Variants in MACROD2 observed in about 807,000 individuals in gnomAD.
The protein encoded by MACROD2 is mono-ADP ribosylhydrolase 2, also known as ADP-ribose glycohydrolase MACROD2.
A neutral mutation model predicts 70.4 loss-of-function variants in MACROD2; 36 were observed. That is an observed-to-expected ratio of 0.51 (90% CI 0.39 to 0.68). The LOEUF (loss-of-function observed/expected upper bound fraction) is 0.68, where lower values mean the gene tolerates loss of function less well. Ranked by LOEUF, MACROD2 falls within the 30% of genes least tolerant of loss-of-function variation. The pLI, the probability that MACROD2 is intolerant of heterozygous loss-of-function variation, is 0.00. For synonymous variants in MACROD2, 172 were observed against 178.8 expected, an observed-to-expected ratio of 0.96 and a Z score of 0.30; for missense variants, 496 against 538.4, an observed-to-expected ratio of 0.92 and a Z score of 0.78.
At chr20:14,783,120 T>C (rs951995256) in intron 5 of MACROD2, among the ~76,000 whole-genome samples, 4 of 152,164 alleles carry the variant, frequency 2.6e-5, no homozygotes, top group Admixed American at 1.3e-4. Context: ...ACTACTACTT[T>C]TCCATGTGCG....
At chr20:14,478,112 T>C (rs915994726) in intron 3 of MACROD2, among the ~76,000 whole-genome samples, 1 of 152,076 alleles carries the variant, frequency 6.6e-6, no homozygotes, top group Non-Finnish European at 1.5e-5. Context: ...TGTGAAAGAA[T>C]GGAAAAGGAG....
chr20:14,786,230 G>GAGAGAGAC, intron 5 of MACROD2, among the ~76,000 whole-genome samples: 1 of 151,594 alleles, frequency 6.6e-6, no homozygotes, highest in Non-Finnish European at 1.5e-5. Flanking sequence ...GAGAGAGAGA[G>GAGAGAGAC]AGAGAGAATA....
intron 8 of MACROD2, among the ~76,000 whole-genome samples, chr20:15,826,754 T>C (rs1368936119): frequency 6.6e-6 from 1 of 152,100 alleles, no homozygotes; most frequent in African/African-American, 2.4e-5. Flanking sequence ...TTAGGAAAAA[T>C]ATAAGTAACA....
rs114713282 is a variant in MACROD2 at position 15,596,315 on chromosome 20, G to A, written c.645+96468G>A. Among the ~76,000 whole-genome samples, 1,409 of 152,184 alleles carry A rather than the reference G, an allele frequency of 9.3e-3. 19 individuals are homozygous for A. Among genetic ancestry groups the A allele is most frequent in the African/African-American group, 0.033 (1,351 of 41,484 alleles). The stretch of plus-strand genomic sequence containing the variant: ...GTGGCTGCTGGGAATGCCTTCTTAT[G>A]GTGGGTGTTGTAATGCTTTTATTTT... On this transcript the variant is annotated intron_variant, in intron 8 of 17. Coordinates refer to ENST00000684519, the MANE Select transcript of MACROD2 (RefSeq NM_001351661.2).
chr20:14,079,424 G>T (rs1283229388), intron 2 of MACROD2, among the ~76,000 whole-genome samples: 2 of 152,128 alleles, frequency 1.3e-5, no homozygotes, highest in African/African-American at 2.4e-5. Context: ...AATTTTTATG[G>T]TTATTGTTTT....
intron 6 of MACROD2, among the ~76,000 whole-genome samples, chr20:15,258,528 A>G (rs758012307): frequency 1.3e-5 from 2 of 152,084 alleles, no homozygotes; most frequent in Non-Finnish European, 2.9e-5. Context: ...CATGCTGTTC[A>G]CATTTGTAGC....
At chr20:15,092,524 A>T (rs2075800282) in intron 5 of MACROD2, among the ~76,000 whole-genome samples, 1 of 150,674 alleles carries the variant, frequency 6.6e-6, no homozygotes, top group Non-Finnish European at 1.5e-5. Flanking sequence ...GGTTTTTTTT[A>T]TTTTCTAGGA....
chr20:14,155,216 G>A (rs1478502789), intron 3 of MACROD2, among the ~76,000 whole-genome samples: 7 of 152,006 alleles, frequency 4.6e-5, no homozygotes, highest in Non-Finnish European at 1.0e-4. Context: ...AAATATATAT[G>A]AAACATAACA....
chr20:14,804,856 G>GGT (rs149551669), intron 5 of MACROD2, among the ~76,000 whole-genome samples: 122 of 150,162 alleles, frequency 8.1e-4, no homozygotes, highest in East Asian at 3.3e-3. Context: ...GAGGTGTCCA[G>GGT]GTGTGTGTGT....
chr20:15,403,334 A>G (rs952047414), intron 6 of MACROD2, among the ~76,000 whole-genome samples: 3 of 152,088 alleles, frequency 2.0e-5, no homozygotes, highest in African/African-American at 2.4e-5. Flanking sequence ...AATATTTTCT[A>G]TAATTCAGTT....
At chr20:14,110,612 A>T (rs577098594) in intron 3 of MACROD2, among the ~76,000 whole-genome samples, 1 of 152,042 alleles carries the variant, frequency 6.6e-6, no homozygotes, top group Non-Finnish European at 1.5e-5. Flanking sequence ...AAGAAATAAA[A>T]AGGTAATCCC....
chr20:14,142,788 A>T (rs921101179), intron 3 of MACROD2, among the ~76,000 whole-genome samples: 1 of 152,090 alleles, frequency 6.6e-6, no homozygotes, highest in Non-Finnish European at 1.5e-5. Context: ...TAGAATATAA[A>T]TTTTTCCTAT....
chr20:15,762,278 G>T (rs565308866), intron 8 of MACROD2, among the ~76,000 whole-genome samples: 1 of 152,144 alleles, frequency 6.6e-6, no homozygotes, highest in African/African-American at 2.4e-5. Context: ...TCTTACTCAC[G>T]TGGAAAGTAA....
At position 15,454,406 on chromosome 20, in the gene MACROD2, A is replaced by AACAC. The variant is rs10523169; in HGVS notation, c.571+23016_571+23019dup. Among the ~76,000 whole-genome samples the AACAC allele has an allele frequency of 8.8e-3, 1,212 of 137,496 alleles. 23 individuals carry two copies. Among genetic ancestry groups the AACAC allele is most frequent in the African/African-American group, 0.026 (922 of 35,022 alleles). The allele number at this position is 137,496 out of a possible 152,430, so 90.2% of individuals were successfully genotyped here. On this transcript the variant is annotated intron_variant, in intron 7 of 17. Coordinates refer to ENST00000684519, the MANE Select transcript of MACROD2 (RefSeq NM_001351661.2). Reference sequence around the variant, plus strand: ...ATATCCCTCTCATTTGACATATTCAAACACACACACACACACACACACACA... The same window carrying AACAC: ...ATATCCCTCTCATTTGACATATTCAAACACACACACACACACACACACACACACA...
chr20:14,142,636 T>C (rs1252853766), intron 3 of MACROD2, among the ~76,000 whole-genome samples: 1 of 152,176 alleles, frequency 6.6e-6, no homozygotes, highest in African/African-American at 2.4e-5. Flanking sequence ...CTTTAAAAAA[T>C]TTGGTATCAA....
At chr20:15,475,101 T>A (rs2047005643) in intron 7 of MACROD2, among the ~76,000 whole-genome samples, 1 of 152,216 alleles carries the variant, frequency 6.6e-6, no homozygotes, top group African/African-American at 2.4e-5. Context: ...ACATTTACAT[T>A]TTATTAGGTA....
intron 5 of MACROD2, among the ~76,000 whole-genome samples, chr20:15,063,359 C>T (rs146123885): frequency 1.8e-4 from 28 of 152,336 alleles, no homozygotes; most frequent in African/African-American, 6.7e-4. Flanking sequence ...TTTCCTAACC[C>T]TTTCTACCAC....
At chr20:15,297,653 C>T (rs999985918) in intron 6 of MACROD2, among the ~76,000 whole-genome samples, 6 of 152,104 alleles carry the variant, frequency 3.9e-5, no homozygotes, top group African/African-American at 1.2e-4. Flanking sequence ...TTAACTATGC[C>T]CCATAGCTAT....
chr20:15,981,058 A>G (rs1012910032), intron 13 of MACROD2, among the ~76,000 whole-genome samples: 1 of 152,236 alleles, frequency 6.6e-6, no homozygotes, highest in Non-Finnish European at 1.5e-5. Flanking sequence ...CAGGAAGCAT[A>G]GACAGGGAAT....
Sources: allele counts gnomAD v4.1 joint callset (sites outside exome capture counted in the v4.1 genomes callset), GRCh38; gene constraint gnomAD v4.1.1; transcripts MANE v1.5; gene names NCBI Gene and HGNC (gene_info 2026-07-23, HGNC 2026-07-21).